AP2A2: variants seen among roughly 807,000 people sequenced by gnomAD.
AP2A2 encodes AP-2 complex subunit alpha-2.
In AP2A2, 32 loss-of-function variants were observed where a neutral mutation model predicts 104.2. The observed-to-expected ratio is 0.31, with a 90% CI of 0.23 to 0.41. The LOEUF (loss-of-function observed/expected upper bound fraction) is 0.41, where lower values mean the gene tolerates loss of function less well. Among genes scored for constraint, AP2A2 ranks in the 10% least tolerant of loss-of-function variants. AP2A2 has a pLI of 1.00. For synonymous variants in AP2A2, 539 were observed against 533.3 expected (o/e 1.01, Z -0.15); for missense variants, 912 against 1,261.0 (o/e 0.72, Z 4.19).
In AP2A2 at chr11:1,010,602, G is replaced by T; in HGVS notation, c.2797G>T (p.Glu933Ter). Reference sequence around the variant, plus strand: ...GGAAGCCGTTTCTCAGAGATTATGTGAATTGCTCTCAGCGCAGTTTTAGTC... The same window carrying T: ...GGAAGCCGTTTCTCAGAGATTATGTTAATTGCTCTCAGCGCAGTTTTAGTC... ...SKEAVSQRLCELLSAQF is the reference protein window; with the variant it reads ...SKEAVSQRLC The change falls in exon 22 of 22, where the codon GAA becomes TAA. Residue 933 changes from glutamate (E) to a stop codon, truncating the protein, a stop_gained. Coordinates refer to ENST00000448903, the MANE Select transcript of AP2A2 (RefSeq NM_012305.4). LOFTEE classifies it high-confidence loss of function. 6.3e-7 allele frequency: 1 copy of T among 1,597,934 alleles called. No homozygotes were observed. The highest frequency in any genetic ancestry group is 8.5e-7 in the Non-Finnish European group (1 of 1,172,408).
chr11:983,017 C>CTTTTTTTTTTTTTTTTTTTTTTTTT (rs56742889), intron 6 of AP2A2, among the ~76,000 whole-genome samples: 1 of 82,392 alleles, frequency 1.2e-5, no homozygotes, highest in Non-Finnish European at 2.3e-5. Context: ...TTTTCTTTTT[C>CTTTTTTTTTTTTTTTTTTTTTTTTT]TTTTTTTTTT....
chr11:954,722 G>GGTGTGT (rs56329960), intron 1 of AP2A2, among the ~76,000 whole-genome samples: 8 of 150,666 alleles, frequency 5.3e-5, no homozygotes, highest in African/African-American at 9.8e-5. Flanking sequence ...GTGTGTATTT[G>GGTGTGT]GTGTGTGTGT....
intron 10 of AP2A2, 37 bp downstream of exon 10, chr11:988,726 A>C: frequency 1.2e-6 from 2 of 1,609,800 alleles, no homozygotes; most frequent in South Asian, 1.1e-5. Context: ...CTCCTGCCAC[A>C]GGCGTGAATC....
At position 1,010,928 on chromosome 11, in the gene AP2A2, G is replaced by T; in HGVS notation, c.*303G>T. The T allele has an allele frequency of 1.4e-6, 1 of 708,416 alleles. No individual in the cohort carries two copies. Among genetic ancestry groups the T allele is most frequent in the Non-Finnish European group, 2.6e-6 (1 of 389,524 alleles). The allele number at this position is 708,416 out of a possible 1,614,324, so 43.9% of individuals were successfully genotyped here. On this transcript the variant is annotated 3_prime_UTR_variant, in exon 22 of 22. Transcript: ENST00000448903. ...AATTAAAGGGAAATTAGAAGTTGGC[G>T]TGAACGTGGCGTTTGTGGGAGTGTC...
At chr11:994,013 CTTGGCTGAGGG>C in intron 13 of AP2A2, 28 bp downstream of exon 13, 1 of 1,609,154 alleles carries the variant, frequency 6.2e-7, no homozygotes. Flanking sequence ...TTCGGGCTGG[CTTGGCTGAGGG>C]TTGGAGGCCA....
intron 1 of AP2A2, among the ~76,000 whole-genome samples, chr11:943,525 T>C: frequency 6.6e-6 from 1 of 152,210 alleles, no homozygotes; most frequent in Non-Finnish European, 1.5e-5. Context: ...GCTTCTTCTT[T>C]CTTTGGAGGC....
At chr11:937,102 C>A (rs895014642) in intron 1 of AP2A2, among the ~76,000 whole-genome samples, 1 of 152,088 alleles carries the variant, frequency 6.6e-6, no homozygotes, top group African/African-American at 2.4e-5. Context: ...CTCACTGCAA[C>A]CTCTGCCTCT....
chr11:950,311 G>GTTTT (rs367721619), intron 1 of AP2A2, among the ~76,000 whole-genome samples: 1 of 133,874 alleles, frequency 7.5e-6, no homozygotes, highest in African/African-American at 2.7e-5. Flanking sequence ...TTGGAATATG[G>GTTTT]TTTTTTTTTT....
Position 972,050 on chromosome 11 carries a change from T to G in AP2A2, c.280-12T>G, listed in dbSNP as rs1423467371. 1.2e-6 allele frequency: 2 copies of G among 1,608,182 alleles called. No homozygotes were observed. Among genetic ancestry groups the G allele is most frequent in the Non-Finnish European group, 1.7e-6 (2 of 1,177,030 alleles). On this transcript the variant is annotated splice_polypyrimidine_tract_variant and intron_variant, in intron 3 of 21. Coordinates refer to ENST00000448903, the MANE Select transcript of AP2A2 (RefSeq NM_012305.4). ...TCATGAGCTTTCTCTTCTCCTGTCT[T>G]TTGGAACGCAGGGCTACCTTTTCAT...
chr11:960,709 G>A (rs1182529345), intron 2 of AP2A2, among the ~76,000 whole-genome samples: 1 of 151,914 alleles, frequency 6.6e-6, no homozygotes, highest in Non-Finnish European at 1.5e-5. Context: ...GTAGAGATGG[G>A]GTTTCTCCAT....
chr11:935,895 TATTCC>T (rs1416563182), intron 1 of AP2A2, among the ~76,000 whole-genome samples: 4 of 148,906 alleles, frequency 2.7e-5, no homozygotes, highest in African/African-American at 2.5e-5. Context: ...GCGCCCGGCC[TATTCC>T]TTTTTTTTTT....
chr11:926,871 G>T (rs1209281196), intron 1 of AP2A2, among the ~76,000 whole-genome samples: 2 of 152,126 alleles, frequency 1.3e-5, no homozygotes, highest in Non-Finnish European at 2.9e-5. Context: ...AGGAAGGCTG[G>T]GCCTGTTAGA....
At position 994,249 on chromosome 11, in the gene AP2A2, G is replaced by T. The variant is rs368546679; in HGVS notation, c.1956+4G>T. The T allele has an allele frequency of 1.2e-6, 2 of 1,612,496 alleles. No individual in the cohort carries two copies. The highest frequency in any genetic ancestry group is 1.3e-5 in the African/African-American group (1 of 74,924). ...CCCAGCCAGTACCAGCGCCGTGGTG[G>T]GTCCCTCACCTACTGTGCACCCAGA... On this transcript the variant is annotated splice_donor_region_variant and intron_variant, in intron 14 of 21. Transcript: ENST00000448903.
intron 2 of AP2A2, among the ~76,000 whole-genome samples, chr11:965,725 A>G (rs889282855): frequency 6.6e-6 from 1 of 152,228 alleles, no homozygotes; most frequent in Non-Finnish European, 1.5e-5. Flanking sequence ...GCTTATGTGC[A>G]CCTGCCATGC....
chr11:992,794 C>T lies in AP2A2; in HGVS notation c.1452+109C>T. On this transcript the variant is annotated intron_variant, in intron 11 of 21. Coordinates refer to ENST00000448903, the MANE Select transcript of AP2A2 (RefSeq NM_012305.4). The surrounding 1 kb of genome is among the most constrained non-coding windows in gnomAD (Gnocchi z 6.4). ...GGAGGTGCCGAGGGCCGTTGCTGAC[C>T]CCTCTTGCCCCTCAGCTCTTCCCTG... 8.8e-7 allele frequency: 1 copy of T among 1,137,490 alleles called. No homozygotes were observed. Among genetic ancestry groups the T allele is most frequent in the East Asian group, 2.5e-5 (1 of 40,228 alleles). 70.5% of individuals were successfully genotyped at this position (1,137,490 alleles called of 1,614,324 possible). A position where few individuals can be genotyped will look rare whatever the true frequency, so the allele number is the denominator to read the frequency against.
chr11:939,363 A>G (rs1275928196), intron 1 of AP2A2, among the ~76,000 whole-genome samples: 1 of 152,012 alleles, frequency 6.6e-6, no homozygotes, highest in South Asian at 2.1e-4. Flanking sequence ...CTTCTTAAAA[A>G]TTTACTTTAA....
intron 1 of AP2A2, among the ~76,000 whole-genome samples, chr11:952,554 A>T (rs1235685674): frequency 1.3e-5 from 2 of 152,228 alleles, no homozygotes; most frequent in Non-Finnish European, 2.9e-5. Flanking sequence ...GTTCACTGCG[A>T]GAATTCCCTG....
chr11:1,009,645 C>T, intron 20 of AP2A2, 38 bp from the exon 21 acceptor site: 3 of 1,482,928 alleles, frequency 2.0e-6, no homozygotes, highest in South Asian at 2.5e-5. Flanking sequence ...GCCCGCGACC[C>T]CGCGCCAGGG....
intron 6 of AP2A2, 135 bp from the exon 7 acceptor site, chr11:984,510 A>T (rs1855379937): frequency 8.0e-6 from 6 of 753,224 alleles, no homozygotes; most frequent in African/African-American, 1.7e-5. Context: ...GCAGTGTCAG[A>T]CACTCTTGGC....
Sources: allele counts gnomAD v4.1 joint callset (sites outside exome capture counted in the v4.1 genomes callset), GRCh38; gene constraint gnomAD v4.1.1; non-coding constraint Gnocchi (gnomAD v3.1); transcripts MANE v1.5; gene names NCBI Gene and HGNC (gene_info 2026-07-23, HGNC 2026-07-21).